Variants in CSMD3 observed in about 807,000 individuals in gnomAD.
The protein encoded by CSMD3 is CUB and sushi domain-containing protein 3.
A neutral mutation model predicts 435.2 loss-of-function variants in CSMD3; 177 were observed. The ratio of observed to expected loss-of-function variants is 0.41; its 90% CI spans 0.36 to 0.46. The LOEUF is 0.46. CSMD3 is among the 20% of genes least tolerant of loss of function. CSMD3 has a pLI of 0.34. For synonymous variants in CSMD3, 1,656 were observed against 1,520.5 expected (o/e 1.09, Z -2.07); for missense variants, 4,265 against 4,504.6 (o/e 0.95, Z 1.52).
At chr8:112,760,112 C>G (rs1161084083) in intron 13 of CSMD3, among the ~76,000 whole-genome samples, 2 of 152,132 alleles carry the variant, frequency 1.3e-5, no homozygotes, top group East Asian at 1.9e-4. Flanking sequence ...TCCCAAAACA[C>G]TATTCTATAA....
chr8:113,039,845 C>A (rs2087528067), intron 5 of CSMD3, among the ~76,000 whole-genome samples: 2 of 152,282 alleles, frequency 1.3e-5, no homozygotes, highest in Non-Finnish European at 2.9e-5. Flanking sequence ...TAGTACCTTC[C>A]TTTTAATTTA....
chr8:112,704,402 A>G (rs1303950594), intron 13 of CSMD3, among the ~76,000 whole-genome samples: 1 of 152,130 alleles, frequency 6.6e-6, no homozygotes, highest in African/African-American at 2.4e-5. Context: ...TTATGATTGC[A>G]CTGAGTATTT....
intron 5 of CSMD3, among the ~76,000 whole-genome samples, chr8:113,071,034 T>C (rs10955642): frequency 0.68 from 103,322 of 151,872 alleles, 36,990 homozygotes; most frequent in East Asian, 0.95. Flanking sequence ...GGTCATATCT[T>C]ATTGTGGTTT....
chr8:112,947,805 A>C lies in CSMD3; in HGVS notation c.1493T>G (p.Ile498Ser). 1 of 1,428,538 alleles carries C rather than the reference A, an allele frequency of 7.0e-7. No homozygotes were observed. 88.5% of individuals were successfully genotyped at this position (1,428,538 alleles called of 1,614,324 possible). Residue 498 changes from isoleucine (I) to serine (S), a missense_variant, in exon 9 of 71, where the codon ATC becomes AGC. This residue lies in a region of CSMD3 where 731 missense variants were observed against 755.4 expected (regional missense o/e 0.97). Coordinates refer to ENST00000297405, the MANE Select transcript of CSMD3 (RefSeq NM_198123.2). Reference sequence around the variant, plus strand: ...AAAATATTACCTAAAATCTGATCCGATTCTCTTCCCATTTTCTGGTTCTCC... The same window carrying C: ...AAAATATTACCTAAAATCTGATCCGCTTCTCTTCCCATTTTCTGGTTCTCC... ...DPGEPENGKR[I>S]GSDFSLGSTV...
At chr8:112,338,984 G>A (rs539098613) in intron 42 of CSMD3, among the ~76,000 whole-genome samples, 1 of 152,116 alleles carries the variant, frequency 6.6e-6, no homozygotes, top group East Asian at 1.9e-4. Flanking sequence ...ATACAGTGAG[G>A]TGGGAGAATT....
At position 112,224,662 on chromosome 8, in the gene CSMD3, G is replaced by T; in HGVS notation, c.*109C>A. On this transcript the variant is annotated 3_prime_UTR_variant, in exon 71 of 71. Transcript: ENST00000297405. The stretch of plus-strand genomic sequence containing the variant: ...TCTGTATCATTCCTCAGGAAAAGGT[G>T]ACCCAGCAAGTCCTGAAAAGTGTGC... The T allele has an allele frequency of 9.6e-7, 1 of 1,045,772 alleles. No individual in the cohort carries two copies. Among genetic ancestry groups the T allele is most frequent in the Non-Finnish European group, 1.5e-6 (1 of 663,066 alleles). 64.8% of individuals were successfully genotyped at this position (1,045,772 alleles called of 1,614,324 possible). A position where few individuals can be genotyped will look rare whatever the true frequency, so the allele number is the denominator to read the frequency against.
intron 3 of CSMD3, among the ~76,000 whole-genome samples, chr8:113,222,495 G>T (rs2092979710): frequency 6.6e-6 from 1 of 150,894 alleles, no homozygotes; most frequent in Admixed American, 6.6e-5. Flanking sequence ...TAAAGAATAA[G>T]ATTTTAAAAA....
At chr8:112,852,946 A>G (rs1369215159) in intron 11 of CSMD3, among the ~76,000 whole-genome samples, 2 of 131,674 alleles carry the variant, frequency 1.5e-5, no homozygotes, top group African/African-American at 2.8e-5. Context: ...AAATAAATAA[A>G]TAGCAAGTGT....
intron 59 of CSMD3, among the ~76,000 whole-genome samples, chr8:112,277,514 G>C (rs558805135): frequency 6.6e-6 from 1 of 151,982 alleles, no homozygotes; most frequent in South Asian, 2.1e-4. Context: ...ACATTTTTCT[G>C]TCTTCTCCTG....
intron 32 of CSMD3, among the ~76,000 whole-genome samples, chr8:112,446,076 A>G (rs1004289607): frequency 6.6e-6 from 1 of 152,206 alleles, no homozygotes; most frequent in African/African-American, 2.4e-5. Context: ...TCTTGAGTCA[A>G]CTGAGACTCA....
chr8:112,596,747 A>G (rs1288983674), intron 22 of CSMD3, among the ~76,000 whole-genome samples: 2 of 152,184 alleles, frequency 1.3e-5, no homozygotes, highest in Non-Finnish European at 2.9e-5. Context: ...GAAACTGAAC[A>G]ACCTGCTCCT....
At chr8:113,046,396 C>A (rs544100002) in intron 5 of CSMD3, among the ~76,000 whole-genome samples, 1 of 149,622 alleles carries the variant, frequency 6.7e-6, no homozygotes, top group African/African-American at 2.4e-5. Flanking sequence ...AATAAAAAAA[C>A]GCCTTATTTG....
intron 58 of CSMD3, among the ~76,000 whole-genome samples, chr8:112,282,552 C>T (rs1042612115): frequency 1.3e-5 from 2 of 152,006 alleles, no homozygotes; most frequent in African/African-American, 4.8e-5. Context: ...GAGACCTAGG[C>T]AGAGTCAAAT....
chr8:113,355,768 G>C lies in CSMD3; in HGVS notation c.179-40975C>G, dbSNP rs1165168349. ...TATATATACACACACACACACACAC[G>C]GGGTGTGTGTGTGTGTGTGTGTGTG... On this transcript the variant is annotated intron_variant, in intron 1 of 70. Transcript: ENST00000297405. 6.1e-4 allele frequency among the ~76,000 whole-genome samples: 24 copies of C among 39,282 alleles called. 1 individual carries two copies. The South Asian group carries it at 0.03, about 49-fold the overall frequency. 25.8% of individuals were successfully genotyped at this position (39,282 alleles called of 152,430 possible). A position where few individuals can be genotyped will look rare whatever the true frequency, so the allele number is the denominator to read the frequency against.
intron 3 of CSMD3, among the ~76,000 whole-genome samples, chr8:113,270,195 A>G (rs2093509756): frequency 6.6e-6 from 1 of 152,136 alleles, no homozygotes; most frequent in South Asian, 2.1e-4. Flanking sequence ...TGTAGCCAAC[A>G]GACACATGAA....
intron 3 of CSMD3, among the ~76,000 whole-genome samples, chr8:113,252,251 A>G (rs1405370917): frequency 2.6e-5 from 4 of 152,122 alleles, no homozygotes; most frequent in South Asian, 4.1e-4. Context: ...CTCATAAACT[A>G]TAAACCAATG....
intron 1 of CSMD3, among the ~76,000 whole-genome samples, chr8:113,348,703 T>C (rs1189449274): frequency 6.6e-6 from 1 of 152,106 alleles, no homozygotes; most frequent in Non-Finnish European, 1.5e-5. Context: ...ACAGAAGGAA[T>C]GCTCAAAGAC....
At chr8:113,184,797 T>C (rs1448464492) in intron 3 of CSMD3, among the ~76,000 whole-genome samples, 1 of 152,040 alleles carries the variant, frequency 6.6e-6, no homozygotes, top group Non-Finnish European at 1.5e-5. Flanking sequence ...CTGTCAGACA[T>C]CTGGCATAAT....
intron 32 of CSMD3, among the ~76,000 whole-genome samples, chr8:112,435,780 A>T (rs1366871008): frequency 6.6e-6 from 1 of 152,034 alleles, no homozygotes; most frequent in Non-Finnish European, 1.5e-5. Flanking sequence ...TGTGTCTGAT[A>T]TACTATGCTC....
Sources: allele counts gnomAD v4.1 joint callset (sites outside exome capture counted in the v4.1 genomes callset), GRCh38; gene constraint gnomAD v4.1.1; regional missense constraint gnomAD v4.1.1; transcripts MANE v1.5; gene names NCBI Gene and HGNC (gene_info 2026-07-23, HGNC 2026-07-21).